The following SSPN variants were observed in gnomAD, a reference collection of about 807,000 sequenced individuals.
The protein encoded by SSPN is sarcospan, also known as K-ras oncogene-associated protein.
Under a neutral mutation model 19.1 loss-of-function variants are expected in SSPN, and 15 were observed. The observed-to-expected ratio is 0.78, with a 90% CI of 0.52 to 1.21. The LOEUF (loss-of-function observed/expected upper bound fraction) is 1.21. Among genes scored for constraint, SSPN ranks in the 50% most tolerant of loss-of-function variants. The pLI is 0.00. For synonymous variants in SSPN, 147 were observed against 140.3 expected (o/e 1.05, Z -0.34); for missense variants, 291 against 314.0 (o/e 0.93, Z 0.55).
chr12:26,210,651 A>G (rs571597763), intron 1 of SSPN, among the ~76,000 whole-genome samples: 2 of 152,258 alleles, frequency 1.3e-5, no homozygotes, highest in South Asian at 4.2e-4. Flanking sequence ...AGTAGTAGAA[A>G]AACCTCAAAC....
At chr12:26,146,584 A>T (rs1437186203) in intron 1 of SSPN, among the ~76,000 whole-genome samples, 4 of 152,212 alleles carry the variant, frequency 2.6e-5, no homozygotes, top group African/African-American at 9.6e-5. Context: ...CTTGGCCTTC[A>T]GGCAAAGACA....
chr12:26,136,927 G>A (rs1944428956), intron 1 of SSPN, among the ~76,000 whole-genome samples: 1 of 152,224 alleles, frequency 6.6e-6, no homozygotes, highest in Admixed American at 6.5e-5. Context: ...TTTGTCGTAA[G>A]TTAAAGCCTT....
At chr12:26,152,807 A>T (rs1295365297) in intron 1 of SSPN, among the ~76,000 whole-genome samples, 1 of 152,182 alleles carries the variant, frequency 6.6e-6, no homozygotes, top group Admixed American at 6.5e-5. Context: ...TTGTTCCTAG[A>T]AGAAGACTCA....
intron 1 of SSPN, among the ~76,000 whole-genome samples, chr12:26,188,850 G>T (rs946747543): frequency 6.6e-6 from 1 of 152,126 alleles, no homozygotes; most frequent in Non-Finnish European, 1.5e-5. Context: ...GTATGTGGCG[G>T]GGATGTCTGT....
At chr12:26,185,664 C>T (rs1336259879) in intron 1 of SSPN, among the ~76,000 whole-genome samples, 5 of 152,204 alleles carry the variant, frequency 3.3e-5, no homozygotes, top group Non-Finnish European at 7.3e-5. Flanking sequence ...CCCACCCTGA[C>T]ACATACCAGA....
At chr12:26,220,313 G>A (rs970562477) in intron 1 of SSPN, among the ~76,000 whole-genome samples, 2 of 148,024 alleles carry the variant, frequency 1.4e-5, no homozygotes, top group African/African-American at 5.0e-5. Context: ...CTATCAGAAG[G>A]CCAAGAAATT....
chr12:26,233,433 T>A lies in SSPN; in HGVS notation c.*2357T>A, dbSNP rs1318207191. 1 of 150,848 alleles carries A rather than the reference T, an allele frequency of 6.6e-6. No individual in the cohort carries two copies. The highest frequency in any genetic ancestry group is 1.5e-5 in the Non-Finnish European group (1 of 67,798). 9.3% of individuals were successfully genotyped at this position (150,848 alleles called of 1,614,324 possible). The stretch of plus-strand genomic sequence containing the variant: ...ATTGTATGATTAAATCATTCTTAAG[T>A]CCCCAAGGAAAAAAAATCATAAACA... On this transcript the variant is annotated 3_prime_UTR_variant, in exon 3 of 3. Coordinates refer to ENST00000242729, the MANE Select transcript of SSPN (RefSeq NM_005086.5). The surrounding 1 kb of genome is among the most constrained non-coding windows in gnomAD (Gnocchi z 4.3).
chr12:26,192,195 A>G (rs1400557261), upstream of SSPN, among the ~76,000 whole-genome samples: 1 of 152,370 alleles, frequency 6.6e-6, no homozygotes, highest in Admixed American at 6.5e-5. Flanking sequence ...AATCTAAACC[A>G]TATATTAACT....
intron 1 of SSPN, among the ~76,000 whole-genome samples, chr12:26,196,852 C>T (rs1213728388): frequency 2.6e-5 from 4 of 152,244 alleles, no homozygotes; most frequent in African/African-American, 4.8e-5. Context: ...ATGCTGATTC[C>T]TCTTTATGCT....
chr12:26,178,292 T>C (rs1176492536), intron 1 of SSPN, among the ~76,000 whole-genome samples: 1 of 152,148 alleles, frequency 6.6e-6, no homozygotes, highest in African/African-American at 2.4e-5. Flanking sequence ...CCTCATCTGT[T>C]GAATGGAGAT....
At chr12:26,194,079 T>A (rs1158261791), upstream of SSPN, among the ~76,000 whole-genome samples, 1 of 152,162 alleles carries the variant, frequency 6.6e-6, no homozygotes, top group East Asian at 1.9e-4. Flanking sequence ...ATCACTTATT[T>A]TTGAATATAG....
At chr12:26,229,526 G>T (rs555719711) in intron 2 of SSPN, among the ~76,000 whole-genome samples, 1 of 152,372 alleles carries the variant, frequency 6.6e-6, no homozygotes, top group South Asian at 2.1e-4. Flanking sequence ...ATTTTGTAGT[G>T]TCACATATAT....
intron 1 of SSPN, among the ~76,000 whole-genome samples, chr12:26,155,112 A>C (rs1232817426): frequency 6.6e-6 from 1 of 152,220 alleles, no homozygotes; most frequent in African/African-American, 2.4e-5. Context: ...TGTTCTATGA[A>C]TATCAAATGA....
chr12:26,144,793 G>A (rs910485360), intron 1 of SSPN, among the ~76,000 whole-genome samples: 5 of 152,174 alleles, frequency 3.3e-5, no homozygotes, highest in African/African-American at 9.7e-5. Context: ...TATATTATCC[G>A]ACAAGTAGAA....
intron 1 of SSPN, among the ~76,000 whole-genome samples, chr12:26,138,529 G>A (rs2620700): frequency 0.98 from 149,447 of 152,320 alleles, 73,372 homozygotes; most frequent in East Asian, 1. Flanking sequence ...AGTGCTAGCC[G>A]CATGTGGTTA....
chr12:26,215,189 C>A (rs1393023771), intron 1 of SSPN, among the ~76,000 whole-genome samples: 1 of 152,122 alleles, frequency 6.6e-6, no homozygotes, highest in African/African-American at 2.4e-5. Context: ...GAGAGTGATA[C>A]CTAGATTAGG....
At chr12:26,221,465 A>G (rs1350538680) in intron 1 of SSPN, among the ~76,000 whole-genome samples, 2 of 152,178 alleles carry the variant, frequency 1.3e-5, no homozygotes, top group Admixed American at 6.5e-5. Context: ...GGATCATACA[A>G]TAACACAGGG....
chr12:26,202,663 G>A (rs1591878349), intron 1 of SSPN, among the ~76,000 whole-genome samples: 1 of 152,188 alleles, frequency 6.6e-6, no homozygotes, highest in East Asian at 1.9e-4. Flanking sequence ...CTGAGAAAAT[G>A]GGTGTTTTCT....
intron 1 of SSPN, among the ~76,000 whole-genome samples, chr12:26,205,974 C>T (rs1050963859): frequency 1.2e-4 from 19 of 152,186 alleles, no homozygotes; most frequent in African/African-American, 4.6e-4. Flanking sequence ...GCATTAAGGG[C>T]TTGAGACCAA....
Sources: allele counts gnomAD v4.1 joint callset (sites outside exome capture counted in the v4.1 genomes callset), GRCh38; gene constraint gnomAD v4.1.1; non-coding constraint Gnocchi (gnomAD v3.1); transcripts MANE v1.5; gene names NCBI Gene and HGNC (gene_info 2026-07-23, HGNC 2026-07-21).